Variants in ZRANB3 observed in about 807,000 individuals in gnomAD.
The protein encoded by ZRANB3 is zinc finger RANBP2-type containing 3.
In ZRANB3, 125 loss-of-function variants were observed where a neutral mutation model predicts 133.8. That is an observed-to-expected ratio of 0.93 (90% CI 0.81 to 1.08). The LOEUF is 1.08. Among genes scored for constraint, ZRANB3 ranks in the 50% least tolerant of loss-of-function variants. ZRANB3 has a pLI of 0.00. For missense variants in ZRANB3, 1,229 were observed against 1,275.5 expected (o/e 0.96, Z 0.56); for synonymous variants, 387 against 432.7 (o/e 0.89, Z 1.31).
chr2:135,527,109 A>T (rs1475605733), intron 1 of ZRANB3, among the ~76,000 whole-genome samples: 1 of 152,210 alleles, frequency 6.6e-6, no homozygotes, highest in African/African-American at 2.4e-5. Flanking sequence ...ACATGTTCTC[A>T]GGACCTCCCG....
At chr2:135,491,672 C>T (rs1450382427) in intron 2 of ZRANB3, among the ~76,000 whole-genome samples, 1 of 152,074 alleles carries the variant, frequency 6.6e-6, no homozygotes, top group African/African-American at 2.4e-5. Context: ...TGCCACCAGG[C>T]CCAGCTAATT....
intron 13 of ZRANB3, 21 bp downstream of exon 13, chr2:135,230,491 TG>T (rs772369874): frequency 6.8e-7 from 1 of 1,473,818 alleles, no homozygotes; most frequent in Non-Finnish European, 9.0e-7. Flanking sequence ...CTTACCTCCA[TG>T]GTCACCTTCT....
chr2:135,313,259 A>T (rs1429644118), intron 8 of ZRANB3, among the ~76,000 whole-genome samples: 1 of 151,308 alleles, frequency 6.6e-6, no homozygotes, highest in Non-Finnish European at 1.5e-5. Context: ...AGACTGAGGC[A>T]GGAGAATGGC....
intron 8 of ZRANB3, among the ~76,000 whole-genome samples, chr2:135,292,578 G>A (rs569244380): frequency 2.0e-4 from 30 of 152,220 alleles, no homozygotes; most frequent in East Asian, 7.7e-4. Context: ...TTCTTTTGCC[G>A]TGCAGAAGCT....
At chr2:135,277,945 AC>A (rs1282657747) in intron 8 of ZRANB3, among the ~76,000 whole-genome samples, 49 of 150,780 alleles carry the variant, frequency 3.2e-4, no homozygotes, top group Admixed American at 2.3e-3. Context: ...AAAAAAAAAA[AC>A]AAATATAAAA....
chr2:135,324,783 G>A (rs1279554694), intron 6 of ZRANB3, among the ~76,000 whole-genome samples: 3 of 152,132 alleles, frequency 2.0e-5, no homozygotes, highest in Non-Finnish European at 4.4e-5. Context: ...TCTAACTGGT[G>A]TGAGATGGTA....
At chr2:135,476,933 C>G (rs1214654610) in intron 2 of ZRANB3, among the ~76,000 whole-genome samples, 1 of 152,072 alleles carries the variant, frequency 6.6e-6, no homozygotes, top group African/African-American at 2.4e-5. Context: ...GTTGCCCAGA[C>G]TGGTCTCAAA....
chr2:135,511,088 C>G, intron 1 of ZRANB3: 1 of 770,150 alleles, frequency 1.3e-6, no homozygotes. Flanking sequence ...CAGGCTTAGA[C>G]TCTGTACAGG....
chr2:135,219,484 G>T (rs1296268578), intron 15 of ZRANB3, among the ~76,000 whole-genome samples: 1 of 152,128 alleles, frequency 6.6e-6, no homozygotes, highest in Non-Finnish European at 1.5e-5. Context: ...ACTAATCTTG[G>T]AAAGATGTAT....
At chr2:135,351,749 A>C (rs1271418971) in intron 4 of ZRANB3, among the ~76,000 whole-genome samples, 1 of 152,204 alleles carries the variant, frequency 6.6e-6, no homozygotes, top group Non-Finnish European at 1.5e-5. Context: ...AGCCAGAAGG[A>C]AAGTATATGT....
At chr2:135,344,890 A>C (rs917417152) in intron 6 of ZRANB3, among the ~76,000 whole-genome samples, 1 of 152,220 alleles carries the variant, frequency 6.6e-6, no homozygotes, top group Admixed American at 6.5e-5. Context: ...ATGAAATAAT[A>C]TTATACACAT....
intron 8 of ZRANB3, among the ~76,000 whole-genome samples, chr2:135,296,223 C>T (rs923661653): frequency 3.9e-5 from 6 of 152,188 alleles, no homozygotes; most frequent in East Asian, 1.9e-4. Context: ...ACCAATCAGA[C>T]GTAGATTTGG....
At chr2:135,353,164 AAT>A (rs1331486763) in intron 4 of ZRANB3, among the ~76,000 whole-genome samples, 1 of 152,122 alleles carries the variant, frequency 6.6e-6, no homozygotes, top group Admixed American at 6.6e-5. Context: ...GATGGTTTCA[AAT>A]ATGTTTAAGG....
intron 3 of ZRANB3, among the ~76,000 whole-genome samples, chr2:135,362,871 G>A (rs1363100822): frequency 2.0e-5 from 3 of 152,154 alleles, no homozygotes; most frequent in African/African-American, 7.2e-5. Context: ...TCCTCCTCCA[G>A]TCTCTAGTAA....
At chr2:135,400,254 T>A (rs982808442) in intron 2 of ZRANB3, among the ~76,000 whole-genome samples, 2 of 149,920 alleles carry the variant, frequency 1.3e-5, no homozygotes, top group East Asian at 1.9e-4. Flanking sequence ...ATAGTAATAA[T>A]AAAAATAAAT....
chr2:135,221,962 T>A (rs1183834304), intron 15 of ZRANB3, among the ~76,000 whole-genome samples: 1 of 152,224 alleles, frequency 6.6e-6, no homozygotes, highest in Non-Finnish European at 1.5e-5. Flanking sequence ...CATGGTACAC[T>A]ATCTATCTAT....
intron 2 of ZRANB3, among the ~76,000 whole-genome samples, chr2:135,480,529 T>C (rs1384015799): frequency 2.0e-5 from 3 of 152,192 alleles, no homozygotes; most frequent in African/African-American, 7.2e-5. Context: ...CAAGTGATAC[T>C]TTTAAAGAAT....
At chr2:135,295,096 G>A (rs1318259879) in intron 8 of ZRANB3, among the ~76,000 whole-genome samples, 1 of 152,166 alleles carries the variant, frequency 6.6e-6, no homozygotes, top group Non-Finnish European at 1.5e-5. Flanking sequence ...GGAGAGTTCT[G>A]TAGATGTCTA....
intron 8 of ZRANB3, among the ~76,000 whole-genome samples, chr2:135,296,975 C>T (rs1397382340): frequency 6.6e-6 from 1 of 152,208 alleles, no homozygotes; most frequent in East Asian, 1.9e-4. Context: ...TGTGAGGTGT[C>T]AGTCCGCCCC....
Sources: allele counts gnomAD v4.1 joint callset (sites outside exome capture counted in the v4.1 genomes callset), GRCh38; gene constraint gnomAD v4.1.1; transcripts MANE v1.5; gene names NCBI Gene and HGNC (gene_info 2026-07-23, HGNC 2026-07-21).